Variants in FIRRM observed in about 807,000 individuals in gnomAD.
FIRRM encodes the protein FIGNL1-interacting regulator of recombination and mitosis.
At chr1:169,795,107 C>G in the FIRRM span, 18 of 1,535,780 alleles carry the variant, frequency 1.2e-5, no homozygotes, top group African/African-American at 2.7e-5. Context: ...GAAAGTATGT[C>G]TCAGGAAGGT....
At chr1:169,842,745 T>C in the FIRRM span, among the ~76,000 whole-genome samples, 1 of 152,228 alleles carries the variant, frequency 6.6e-6, no homozygotes, top group Admixed American at 6.5e-5. Flanking sequence ...TCAGAATACG[T>C]AATGTGATGG....
At chr1:169,793,843 T>TA in the FIRRM span, 1 of 594,534 alleles carries the variant, frequency 1.7e-6, no homozygotes, top group Non-Finnish European at 2.7e-6. Context: ...AACAAATATT[T>TA]AGAGATATTT....
At chr1:169,798,409 A>G in the FIRRM span, among the ~76,000 whole-genome samples, 6 of 152,026 alleles carry the variant, frequency 3.9e-5, no homozygotes, top group African/African-American at 1.4e-4. Context: ...CTGGGATTAC[A>G]GGTGTGCGCC....
At chr1:169,836,909 T>G in the FIRRM span, 1 of 1,596,850 alleles carries the variant, frequency 6.3e-7, no homozygotes, top group South Asian at 1.1e-5. Flanking sequence ...CTCTTCTTTC[T>G]TTAACAATTT....
chr1:169,802,580 A>T, the FIRRM span: 1 of 1,372,508 alleles, frequency 7.3e-7, no homozygotes, highest in South Asian at 1.2e-5. Context: ...TTTTCTAGTG[A>T]TTTCTCTTAT....
At chr1:169,785,559 C>T in the FIRRM span, among the ~76,000 whole-genome samples, 1 of 152,126 alleles carries the variant, frequency 6.6e-6, no homozygotes, top group Non-Finnish European at 1.5e-5. Context: ...AGCAGCCGAT[C>T]TCCTCTCCAG....
At chr1:169,843,590 T>A in the FIRRM span, 1 of 785,526 alleles carries the variant, frequency 1.3e-6, no homozygotes, top group East Asian at 2.6e-5. Flanking sequence ...TTACCTGATA[T>A]ATAATAAATG....
At chr1:169,847,810 T>C in the FIRRM span, 1 of 1,506,218 alleles carries the variant, frequency 6.6e-7, no homozygotes, top group Non-Finnish European at 9.2e-7. Flanking sequence ...CCAGGTAATA[T>C]TGCTTAACTC....
chr1:169,793,362 T>A, the FIRRM span: 55 of 1,614,212 alleles, frequency 3.4e-5, no homozygotes, highest in Admixed American at 3.8e-4. Flanking sequence ...TTTTCTAACA[T>A]CTTCTTTAAA....
At chr1:169,815,515 G>A in the FIRRM span, among the ~76,000 whole-genome samples, 1 of 152,114 alleles carries the variant, frequency 6.6e-6, no homozygotes, top group African/African-American at 2.4e-5. Context: ...CAGGGTATTT[G>A]TAAACTGTGA....
the FIRRM span, among the ~76,000 whole-genome samples, chr1:169,789,270 C>T: frequency 6.6e-6 from 1 of 152,144 alleles, no homozygotes; most frequent in Non-Finnish European, 1.5e-5. Flanking sequence ...TTTCAAATGA[C>T]CATTTAGTAA....
chr1:169,835,714 T>TAA, the FIRRM span, among the ~76,000 whole-genome samples: 2 of 152,212 alleles, frequency 1.3e-5, no homozygotes, highest in African/African-American at 4.8e-5. Flanking sequence ...TACCCTTTTA[T>TAA]GTTGTCCAGG....
the FIRRM span, chr1:169,792,954 C>G: frequency 1.2e-6 from 2 of 1,613,992 alleles, no homozygotes; most frequent in Non-Finnish European, 1.7e-6. Context: ...CTTTTCACAT[C>G]TGGCTCATTT....
At chr1:169,850,056 G>A in the FIRRM span, 2 of 563,622 alleles carry the variant, frequency 3.5e-6, no homozygotes, top group Non-Finnish European at 3.2e-6. Context: ...CCCAGCAGAA[G>A]TAATTAAAGC....
At chr1:169,823,124 G>A in the FIRRM span, among the ~76,000 whole-genome samples, 1 of 152,088 alleles carries the variant, frequency 6.6e-6, no homozygotes, top group East Asian at 1.9e-4. Context: ...GGTGGTACAT[G>A]CCTGTAATCC....
the FIRRM span, chr1:169,802,593 C>G: frequency 7.0e-7 from 1 of 1,433,520 alleles, no homozygotes; most frequent in African/African-American, 1.4e-5. Context: ...TCTCTTATTC[C>G]TGTTTATTAC....
the FIRRM span, chr1:169,793,661 T>C: frequency 6.2e-7 from 1 of 1,608,680 alleles, no homozygotes; most frequent in Non-Finnish European, 8.5e-7. Flanking sequence ...ATTTTCCAGA[T>C]GGTCTTCTAT....
At chr1:169,823,589 T>A in the FIRRM span, 1 of 562,810 alleles carries the variant, frequency 1.8e-6, no homozygotes, top group East Asian at 3.1e-5. Flanking sequence ...TTTTAGTAAT[T>A]TTTATCTGCT....
At chr1:169,808,496 C>CTG in the FIRRM span, among the ~76,000 whole-genome samples, 1 of 151,968 alleles carries the variant, frequency 6.6e-6, no homozygotes, top group African/African-American at 2.4e-5. Context: ...TCCTGTAACA[C>CTG]TGTTATACAT....
Sources: allele counts gnomAD v4.1 joint callset (sites outside exome capture counted in the v4.1 genomes callset), GRCh38; gene constraint gnomAD v4.1.1; transcripts MANE v1.5; gene names NCBI Gene and HGNC (gene_info 2026-07-23, HGNC 2026-07-21).